The following CFH variants were observed in gnomAD, a reference collection of about 807,000 sequenced individuals.
CFH encodes the protein complement factor H.
A neutral mutation model predicts 147.3 loss-of-function variants in CFH; 53 were observed. That is an observed-to-expected ratio of 0.36 (90% CI 0.29 to 0.45). The LOEUF is 0.45. Ranked by LOEUF, CFH falls within the 20% of genes least tolerant of loss-of-function variation. The pLI, the probability that CFH is intolerant of heterozygous loss-of-function variation, is 1.00. For missense variants in CFH, 1,380 were observed against 1,498.0 expected (o/e 0.92, Z 1.30); for synonymous variants, 536 against 489.4 (o/e 1.10, Z -1.26).
intron 20 of CFH, among the ~76,000 whole-genome samples, chr1:196,744,044 A>G (rs1057466724): frequency 1.2e-4 from 19 of 152,154 alleles, no homozygotes; most frequent in African/African-American, 4.6e-4. Flanking sequence ...TGTGTGACTG[A>G]CTGTATTTAT....
chr1:196,743,302 T>G lies in CFH; in HGVS notation c.3134-150T>G, dbSNP rs181513725. ...ATAGTTTCATGTCTTTTCCTCAATA[T>G]TACATTTAAATTTATTAAAATCAAC... On this transcript the variant is annotated intron_variant, in intron 19 of 21. Transcript: ENST00000367429. 8.0e-6 allele frequency: 10 copies of G among 1,255,342 alleles called. No homozygotes were observed. In the African/African-American group the frequency reaches 1.1e-4, roughly 13 times the overall value. The allele number at this position is 1,255,342 out of a possible 1,614,324, so 77.8% of individuals were successfully genotyped here.
chr1:196,723,787 T>A (rs1463854736), intron 11 of CFH, among the ~76,000 whole-genome samples: 1 of 152,018 alleles, frequency 6.6e-6, no homozygotes, highest in Non-Finnish European at 1.5e-5. Flanking sequence ...CCGTAGCTTG[T>A]CTTTCTTGCA....
chr1:196,691,020 G>A (rs1286138736), intron 9 of CFH, among the ~76,000 whole-genome samples: 1 of 152,084 alleles, frequency 6.6e-6, no homozygotes, highest in Non-Finnish European at 1.5e-5. Flanking sequence ...TATGTTTGCA[G>A]TTCGATTTTA....
chr1:196,744,851 C>T (rs1278743911), intron 20 of CFH, among the ~76,000 whole-genome samples: 4 of 152,012 alleles, frequency 2.6e-5, no homozygotes, highest in Non-Finnish European at 2.9e-5. Context: ...TTGAAGAATT[C>T]CTTTAGTTAA....
intron 9 of CFH, among the ~76,000 whole-genome samples, chr1:196,712,384 T>G (rs1668742666): frequency 6.6e-6 from 1 of 151,438 alleles, no homozygotes; most frequent in South Asian, 2.1e-4. Context: ...ATAATTTATT[T>G]TCAGTTTTTA....
chr1:196,657,417 G>C (rs1048984937), intron 1 of CFH, among the ~76,000 whole-genome samples: 1 of 152,108 alleles, frequency 6.6e-6, no homozygotes, highest in African/African-American at 2.4e-5. Flanking sequence ...ATGTGAATTT[G>C]TTTCAACTAA....
At chr1:196,707,552 A>G (rs1050993023) in intron 9 of CFH, among the ~76,000 whole-genome samples, 5 of 152,144 alleles carry the variant, frequency 3.3e-5, no homozygotes, top group African/African-American at 9.7e-5. Flanking sequence ...AGGCCATGCA[A>G]AGCATGACTG....
At chr1:196,742,271 G>T (rs1184888239) in intron 19 of CFH, among the ~76,000 whole-genome samples, 2 of 152,170 alleles carry the variant, frequency 1.3e-5, no homozygotes, top group African/African-American at 4.8e-5. Context: ...AGCTACTTGG[G>T]AGACTGAGGC....
At chr1:196,741,817 T>C in intron 18 of CFH, 58 bp from the exon 19 acceptor site, 1 of 1,469,504 alleles carries the variant, frequency 6.8e-7, no homozygotes. Flanking sequence ...ATTACATGTA[T>C]TGTATGTAAC....
chr1:196,699,051 T>C (rs1237808868), intron 9 of CFH, among the ~76,000 whole-genome samples: 1 of 152,118 alleles, frequency 6.6e-6, no homozygotes, highest in African/African-American at 2.4e-5. Context: ...ATGGAACATA[T>C]CTCAAAATTA....
intron 21 of CFH, among the ~76,000 whole-genome samples, chr1:196,746,205 G>T (rs34231058): frequency 6.6e-6 from 1 of 152,022 alleles, no homozygotes; most frequent in Non-Finnish European, 1.5e-5. Flanking sequence ...CAGCACTTTG[G>T]GAGGCTGAGG....
At chr1:196,723,139 C>A (rs539452225) in intron 11 of CFH, among the ~76,000 whole-genome samples, 3 of 152,014 alleles carry the variant, frequency 2.0e-5, no homozygotes, top group Admixed American at 6.6e-5. Flanking sequence ...TGTTGTAATA[C>A]GCTGTTTTAA....
intron 3 of CFH, among the ~76,000 whole-genome samples, chr1:196,674,633 G>A (rs757863394): frequency 8.6e-5 from 13 of 151,910 alleles, no homozygotes; most frequent in African/African-American, 1.5e-4. Context: ...CACTATAATC[G>A]TATACTTCAT....
chr1:196,692,762 C>G (rs868789949), intron 9 of CFH, among the ~76,000 whole-genome samples: 3 of 29,074 alleles, frequency 1.0e-4, no homozygotes, highest in African/African-American at 5.5e-4. Flanking sequence ...TTCTTTCTTT[C>G]TTTCTTTCTT....
At chr1:196,666,461 T>C (rs1208829869) in intron 1 of CFH, among the ~76,000 whole-genome samples, 1 of 152,084 alleles carries the variant, frequency 6.6e-6, no homozygotes, top group Non-Finnish European at 1.5e-5. Context: ...TTCTCATTTA[T>C]ATTATATTTT....
intron 4 of CFH, 181 bp from the exon 5 acceptor site, chr1:196,677,295 C>G: frequency 1.7e-6 from 1 of 587,046 alleles, no homozygotes; most frequent in Non-Finnish European, 3.0e-6. Flanking sequence ...CAGGAATAAA[C>G]ATTCCATTTG....
intron 12 of CFH, among the ~76,000 whole-genome samples, chr1:196,725,636 A>G (rs920464093): frequency 6.6e-6 from 1 of 152,228 alleles, no homozygotes; most frequent in Non-Finnish European, 1.5e-5. Flanking sequence ...TATAAAATTC[A>G]AGATCGGGCA....
Position 196,726,950 on chromosome 1 carries a change from C to A in CFH, c.2236+10C>A. 1 of 1,607,300 alleles carries A rather than the reference C, an allele frequency of 6.2e-7. No individual in the cohort carries two copies. ...CTTCCCCAGTGTGTGGGTGAGAATA[C>A]CCTTCTTAAATCAACATTTAACAAA... On this transcript the variant is annotated intron_variant, in intron 14 of 21. Transcript: ENST00000367429.
intron 9 of CFH, among the ~76,000 whole-genome samples, chr1:196,707,875 T>A (rs1216019176): frequency 6.6e-6 from 1 of 152,344 alleles, no homozygotes; most frequent in Non-Finnish European, 1.5e-5. Context: ...AAAGGTGAGA[T>A]ACCTTCCTGT....
Sources: allele counts gnomAD v4.1 joint callset (sites outside exome capture counted in the v4.1 genomes callset), GRCh38; gene constraint gnomAD v4.1.1; transcripts MANE v1.5; gene names NCBI Gene and HGNC (gene_info 2026-07-23, HGNC 2026-07-21).